POT1: variants seen among roughly 807,000 people sequenced by gnomAD.
POT1 encodes protection of telomeres protein 1.
In POT1, 47 loss-of-function variants were observed where a neutral mutation model predicts 78.5. That is an observed-to-expected ratio of 0.60 (90% CI 0.47 to 0.76). The LOEUF (loss-of-function observed/expected upper bound fraction) is 0.76. POT1 is among the 30% of genes least tolerant of loss of function. The pLI is 0.00. For missense variants in POT1, 646 were observed against 749.9 expected, an observed-to-expected ratio of 0.86 and a Z score of 1.62; for synonymous variants, 259 against 260.7, an observed-to-expected ratio of 0.99 and a Z score of 0.06.
chr7:124,882,389 T>C (rs149044760), intron 6 of POT1, among the ~76,000 whole-genome samples: 68 of 152,172 alleles, frequency 4.5e-4, no homozygotes, highest in African/African-American at 1.6e-3. Context: ...ACAAGGAAAC[T>C]TACTGTACAA....
intron 3 of POT1, among the ~76,000 whole-genome samples, chr7:124,903,962 C>G (rs749456629): frequency 3.3e-5 from 5 of 152,114 alleles, no homozygotes; most frequent in Non-Finnish European, 5.9e-5. Flanking sequence ...CAAGACTAAA[C>G]CAGGAAGAAG....
At chr7:124,917,660 CATT>C (rs1249854937) in intron 2 of POT1, among the ~76,000 whole-genome samples, 1 of 152,152 alleles carries the variant, frequency 6.6e-6, no homozygotes, top group African/African-American at 2.4e-5. Flanking sequence ...GATTAAAAGA[CATT>C]AATCAAATTA....
intron 8 of POT1, among the ~76,000 whole-genome samples, chr7:124,859,838 C>T (rs182864368): frequency 6.8e-6 from 1 of 146,734 alleles, no homozygotes; most frequent in East Asian, 2.0e-4. Flanking sequence ...GAGTATTGCT[C>T]AGAAAAAAAA....
At chr7:124,891,449 C>A (rs758130243) in intron 6 of POT1, among the ~76,000 whole-genome samples, 6 of 151,204 alleles carry the variant, frequency 4.0e-5, no homozygotes, top group Middle Eastern at 3.4e-3. Flanking sequence ...AGTTGTATCT[C>A]GTTTTTTTTA....
At chr7:124,921,262 AATCAGT>A (rs1797142747) in intron 2 of POT1, among the ~76,000 whole-genome samples, 1 of 152,178 alleles carries the variant, frequency 6.6e-6, no homozygotes, top group Non-Finnish European at 1.5e-5. Flanking sequence ...GCTTGGAAAT[AATCAGT>A]ATTAATGATA....
chr7:124,853,813 T>C (rs1795377197), intron 9 of POT1, among the ~76,000 whole-genome samples: 1 of 152,080 alleles, frequency 6.6e-6, no homozygotes, highest in African/African-American at 2.4e-5. Flanking sequence ...ATGTCTTTAA[T>C]TATAGACCAC....
At chr7:124,874,361 A>G (rs1795938483) in intron 6 of POT1, among the ~76,000 whole-genome samples, 2 of 152,198 alleles carry the variant, frequency 1.3e-5, no homozygotes, top group Non-Finnish European at 2.9e-5. Flanking sequence ...CAAACTACTT[A>G]CATACAAAGC....
Position 124,829,713 on chromosome 7 carries a change from T to A in POT1, c.1506-371A>T, listed in dbSNP as rs976019899. ...TCTGATTCTATGATCTATATCTATA[T>A]CTATATCTATATCTATATATATATA... On this transcript the variant is annotated intron_variant, in intron 15 of 18. Coordinates refer to ENST00000357628, the MANE Select transcript of POT1 (RefSeq NM_015450.3). 3.3e-5 allele frequency among the ~76,000 whole-genome samples: 5 copies of A among 151,628 alleles called. No homozygotes were observed. In the East Asian group the frequency reaches 7.7e-4, roughly 23 times the overall value.
At chr7:124,876,290 C>T (rs1330677017) in intron 6 of POT1, among the ~76,000 whole-genome samples, 2 of 152,000 alleles carry the variant, frequency 1.3e-5, no homozygotes, top group South Asian at 2.1e-4. Flanking sequence ...CCTCTTTATT[C>T]GCACTGCTGT....
At chr7:124,924,118 ATAAC>A (rs1797216466) in intron 2 of POT1, among the ~76,000 whole-genome samples, 1 of 151,220 alleles carries the variant, frequency 6.6e-6, no homozygotes, top group Non-Finnish European at 1.5e-5. Flanking sequence ...AAGCAAAGAA[ATAAC>A]AAAGATCAGA....
At position 124,861,302 on chromosome 7, in the gene POT1, T is replaced by C. The variant is rs546970743; in HGVS notation, c.546+2048A>G. ...ACTTTTTAACGATTGCCATTCTAAC[T>C]GGCGTGAGATGGTATCTCATTGTGG... On this transcript the variant is annotated intron_variant, in intron 8 of 18. Coordinates refer to ENST00000357628, the MANE Select transcript of POT1 (RefSeq NM_015450.3). 2.6e-5 allele frequency among the ~76,000 whole-genome samples: 4 copies of C among 152,358 alleles called. No homozygotes were observed. The South Asian group carries it at 8.3e-4, about 32-fold the overall frequency.
chr7:124,826,609 C>T (rs1056570372), intron 17 of POT1, among the ~76,000 whole-genome samples: 5 of 152,150 alleles, frequency 3.3e-5, no homozygotes, highest in Admixed American at 6.5e-5. Context: ...CGGTGGCTCA[C>T]GCCTGTAATC....
chr7:124,858,585 G>C (rs886364112), intron 9 of POT1, among the ~76,000 whole-genome samples: 8 of 151,876 alleles, frequency 5.3e-5, no homozygotes, highest in Non-Finnish European at 7.4e-5. Context: ...TGAACAAAAA[G>C]TTATCAGCTA....
Position 124,822,553 on chromosome 7 carries a change from T to C in POT1, c.*1409A>G, listed in dbSNP as rs1232505991. The C allele has an allele frequency of 8.8e-6, 4 of 455,778 alleles. No homozygotes were observed. Among genetic ancestry groups the C allele is most frequent in the Non-Finnish European group, 1.8e-5 (4 of 226,432 alleles). 28.2% of individuals were successfully genotyped at this position (455,778 alleles called of 1,614,324 possible). A position where few individuals can be genotyped will look rare whatever the true frequency, so the allele number is the denominator to read the frequency against. ...CTACTCTTCTAGATTGAGGGCTTCC[T>C]GAAGGCAGAAAAAATGTTTATTTCA... is the stretch of plus-strand genomic sequence containing the variant. On this transcript the variant is annotated 3_prime_UTR_variant, in exon 19 of 19. Coordinates refer to ENST00000357628, the MANE Select transcript of POT1 (RefSeq NM_015450.3).
At chr7:124,859,769 C>T (rs1466503283) in intron 8 of POT1, among the ~76,000 whole-genome samples, 4 of 147,892 alleles carry the variant, frequency 2.7e-5, no homozygotes, top group Admixed American at 1.3e-4. Context: ...TAAGGCCGCA[C>T]CAATACTGTA....
chr7:124,824,055 T>C lies in POT1; in HGVS notation c.1812A>G (p.Glu604=). The change falls in exon 19 of 19, where the codon GAA becomes GAG. Residue 604 remains glutamate, a synonymous_variant. Coordinates refer to ENST00000357628, the MANE Select transcript of POT1 (RefSeq NM_015450.3). ...GIKIDAYPWL[E]CFIKSYNVTN... is the part of the protein sequence containing the mutation. ...TGACATTGTATGACTTGATGAAGCA[T>C]TCCAACCACGGATATGCATCTACAA... 1 of 1,604,524 alleles carries C rather than the reference T, an allele frequency of 6.2e-7. No homozygotes were observed. The highest frequency in any genetic ancestry group is 8.5e-7 in the Non-Finnish European group (1 of 1,174,010).
intron 16 of POT1, 81 bp downstream of exon 16, chr7:124,829,161 ACAGGTATACTTT>A: frequency 2.3e-6 from 2 of 863,170 alleles, no homozygotes; most frequent in Admixed American, 1.8e-5. Flanking sequence ...CAAAGAAGGA[ACAGGTATACTTT>A]CAGGTATACT....
At chr7:124,891,540 T>C (rs540045310) in intron 6 of POT1, among the ~76,000 whole-genome samples, 1 of 151,720 alleles carries the variant, frequency 6.6e-6, no homozygotes, top group South Asian at 2.1e-4. Flanking sequence ...AGGAAGGTCT[T>C]ACGATTGCCA....
In POT1 at chr7:124,884,811, A is replaced by G. The variant is rs111370011; in HGVS notation, c.124+7455T>C. Among the ~76,000 whole-genome samples, 10 of 152,356 alleles carry G rather than the reference A, an allele frequency of 6.6e-5. 1 individual carries two copies. Among genetic ancestry groups the G allele is most frequent in the African/African-American group, 2.4e-4 (10 of 41,600 alleles). On this transcript the variant is annotated intron_variant, in intron 6 of 18. Transcript: ENST00000357628. ...AGCAAGGATGAGCCATACACTATTA[A>G]CAAGTCTGGAAATGTTTTATGGTCT...
Sources: gnomAD v4.1 joint callset for allele counts (sites outside exome capture counted in the v4.1 genomes callset) on GRCh38, gnomAD v4.1.1 for gene constraint, MANE v1.5 for transcripts, NCBI Gene and HGNC (gene_info 2026-07-23, HGNC 2026-07-21) for gene names.